PINX1: variants seen among roughly 807,000 people sequenced by gnomAD.
PINX1 encodes the protein PIN2/TERF1-interacting telomerase inhibitor 1.
A neutral mutation model predicts 25.4 loss-of-function variants in PINX1; 34 were observed. The ratio of observed to expected loss-of-function variants is 1.34; its 90% confidence interval spans 1.02 to 1.78. PINX1 has a LOEUF of 1.78. Ranked by LOEUF, PINX1 falls within the 40% of genes most tolerant of loss-of-function variation. The pLI, the probability that PINX1 is intolerant of heterozygous loss-of-function variation, is 0.00. For missense variants in PINX1, 592 were observed against 404.9 expected (o/e 1.46, Z -3.97); for synonymous variants, 197 against 147.7 (o/e 1.33, Z -2.42).
intron 1 of PINX1, among the ~76,000 whole-genome samples, chr8:10,836,170 G>GC (rs1352612793): frequency 6.6e-6 from 1 of 151,872 alleles, no homozygotes; most frequent in African/African-American, 2.4e-5. Flanking sequence ...ATCAATAGAG[G>GC]CCCATAACTA....
intron 5 of PINX1, 54 bp downstream of exon 5, chr8:10,826,098 A>G: frequency 1.0e-6 from 1 of 982,814 alleles, no homozygotes. Context: ...GCTTCAAGCA[A>G]CTCAGGACAA....
intron 6 of PINX1, among the ~76,000 whole-genome samples, chr8:10,795,007 G>A (rs562178319): frequency 3.3e-5 from 5 of 152,224 alleles, no homozygotes; most frequent in African/African-American, 1.2e-4. Flanking sequence ...AACACCTCAC[G>A]TTTCCAAATA....
intron 6 of PINX1, among the ~76,000 whole-genome samples, chr8:10,794,396 G>C (rs10503411): frequency 0.061 from 9,199 of 151,612 alleles, 338 homozygotes; most frequent in Middle Eastern, 0.11. Flanking sequence ...TATCCGAACA[G>C]TATTACAAAG....
intron 6 of PINX1, among the ~76,000 whole-genome samples, chr8:10,793,057 C>T (rs951688887): frequency 7.2e-5 from 11 of 152,096 alleles, no homozygotes; most frequent in Admixed American, 3.9e-4. Flanking sequence ...TTCTGACCCT[C>T]GCTAACATCT....
At chr8:10,833,839 T>C (rs1798308983) in intron 2 of PINX1, 1 of 155,652 alleles carries the variant, frequency 6.4e-6, no homozygotes, top group Non-Finnish European at 1.5e-5. Context: ...CTGGCTTGTG[T>C]AAGTGGCAGA....
chr8:10,819,018 C>A (rs1797785265), intron 6 of PINX1, among the ~76,000 whole-genome samples: 1 of 152,194 alleles, frequency 6.6e-6, no homozygotes, highest in Non-Finnish European at 1.5e-5. Context: ...TGTGAAGGAG[C>A]AGCCGGCACG....
chr8:10,812,191 T>C (rs1436170105), intron 6 of PINX1, among the ~76,000 whole-genome samples: 2 of 152,194 alleles, frequency 1.3e-5, no homozygotes, highest in Non-Finnish European at 2.9e-5. Flanking sequence ...TTTGGACACA[T>C]CAAGAGCCTT....
At chr8:10,816,034 C>T (rs1431080513) in intron 6 of PINX1, among the ~76,000 whole-genome samples, 2 of 152,152 alleles carry the variant, frequency 1.3e-5, no homozygotes, top group Non-Finnish European at 1.5e-5. Flanking sequence ...ACGATTCTGT[C>T]GGCAGCTGTG....
At position 10,765,685 on chromosome 8, in the gene PINX1, G is replaced by C; in HGVS notation, c.703C>G (p.His235Asp). 6.2e-7 allele frequency: 1 copy of C among 1,614,028 alleles called. No homozygotes were observed. The highest frequency in any genetic ancestry group is 8.5e-7 in the Non-Finnish European group (1 of 1,179,904). ...ESYLQPKAKR[H>D]TEGKPERAEA... ...GCCCTCTCGGGCTTTCCCTCCGTGTGCCTCTTGGCCTTAGGCTGGAGGTAA... is the reference window on the plus strand; with the variant it reads ...GCCCTCTCGGGCTTTCCCTCCGTGTCCCTCTTGGCCTTAGGCTGGAGGTAA... Residue 235 changes from histidine (H) to aspartate (D), a missense_variant, in exon 7 of 7, where the codon CAC becomes GAC. Coordinates refer to ENST00000314787, the MANE Select transcript of PINX1 (RefSeq NM_017884.6).
At chr8:10,775,914 G>T (rs1467577774) in intron 6 of PINX1, among the ~76,000 whole-genome samples, 1 of 151,298 alleles carries the variant, frequency 6.6e-6, no homozygotes, top group Admixed American at 6.5e-5. Context: ...ATCTCAGGAA[G>T]CTTTGGCTGC....
chr8:10,793,741 G>C (rs532644788), intron 6 of PINX1, among the ~76,000 whole-genome samples: 1 of 151,948 alleles, frequency 6.6e-6, no homozygotes, highest in South Asian at 2.1e-4. Context: ...CAAAAGTATA[G>C]TGAATTTACA....
At chr8:10,797,526 C>A (rs1328669275) in intron 6 of PINX1, among the ~76,000 whole-genome samples, 1 of 152,132 alleles carries the variant, frequency 6.6e-6, no homozygotes, top group African/African-American at 2.4e-5. Context: ...TAAAAACAAA[C>A]AGGGCCTAAG....
In PINX1 at chr8:10,807,040, T is replaced by C. The variant is rs999988637; in HGVS notation, c.471+13153A>G. On this transcript the variant is annotated intron_variant, in intron 6 of 6. Transcript: ENST00000314787. The stretch of plus-strand genomic sequence containing the variant: ...AATTACAGCAGACGGCAAAGGATCA[T>C]CGGACTATGTGGGGGAAATCCTCCC... Among the ~76,000 whole-genome samples, 6 of 152,070 alleles carry C rather than the reference T, an allele frequency of 3.9e-5. No individual in the cohort carries two copies. The East Asian group carries it at 7.7e-4, about 20-fold the overall frequency.
intron 6 of PINX1, among the ~76,000 whole-genome samples, chr8:10,798,302 C>A (rs1802154974): frequency 1.3e-5 from 2 of 152,352 alleles, no homozygotes; most frequent in Middle Eastern, 3.4e-3. Context: ...AGCACAGGCT[C>A]CAGCCTTGAG....
At chr8:10,818,268 T>C (rs1797760496) in intron 6 of PINX1, among the ~76,000 whole-genome samples, 1 of 152,206 alleles carries the variant, frequency 6.6e-6, no homozygotes, top group Non-Finnish European at 1.5e-5. Flanking sequence ...CAAAAGAGAT[T>C]TTCCTGGGGC....
chr8:10,813,071 T>A (rs909755569), intron 6 of PINX1, among the ~76,000 whole-genome samples: 2 of 152,216 alleles, frequency 1.3e-5, no homozygotes, highest in Non-Finnish European at 2.9e-5. Context: ...CTGTTATCAA[T>A]GGTCAAAATG....
chr8:10,775,652 T>C (rs1801368998), intron 6 of PINX1, among the ~76,000 whole-genome samples: 1 of 152,126 alleles, frequency 6.6e-6, no homozygotes, highest in Admixed American at 6.5e-5. Flanking sequence ...TGCTATAAAA[T>C]ATCAGCTAGC....
intron 4 of PINX1, among the ~76,000 whole-genome samples, chr8:10,830,655 T>C (rs573432842): frequency 6.6e-5 from 10 of 152,272 alleles, no homozygotes; most frequent in African/African-American, 2.4e-4. Flanking sequence ...AATTAAAAAA[T>C]GGGCAAAGTA....
chr8:10,839,798 C>T lies in PINX1; in HGVS notation c.-42G>A. ...TACCGCCGCCTCTGGACCTGGGTGA[C>T]TGCGGCCACTGGGCGGGCTGGAGAC... On this transcript the variant is annotated 5_prime_UTR_variant, in exon 1 of 7. Transcript: ENST00000314787. 2 of 1,585,424 alleles carry T rather than the reference C, an allele frequency of 1.3e-6. No individual in the cohort carries two copies. Among genetic ancestry groups the T allele is most frequent in the East Asian group, 2.3e-5 (1 of 43,590 alleles).
Sources: gnomAD v4.1 joint callset for allele counts (sites outside exome capture counted in the v4.1 genomes callset) on GRCh38, gnomAD v4.1.1 for gene constraint, MANE v1.5 for transcripts, NCBI Gene and HGNC (gene_info 2026-07-23, HGNC 2026-07-21) for gene names.